Variants in PPM1L observed in about 807,000 individuals in gnomAD.
PPM1L encodes protein phosphatase, Mg2+/Mn2+ dependent 1L.
PPM1L carries 13 observed loss-of-function variants against 31.4 expected under a neutral mutation model. That is an observed-to-expected ratio of 0.41 (90% CI 0.27 to 0.66). The LOEUF is 0.66. Ranked by LOEUF, PPM1L falls within the 30% of genes least tolerant of loss-of-function variation. The pLI is 0.29. For synonymous variants in PPM1L, 184 were observed against 175.4 expected, an observed-to-expected ratio of 1.05 and a Z score of -0.39; for missense variants, 326 against 453.7, an observed-to-expected ratio of 0.72 and a Z score of 2.56.
At chr3:160,892,958 A>G (rs1028419857) in intron 1 of PPM1L, among the ~76,000 whole-genome samples, 8 of 152,206 alleles carry the variant, frequency 5.3e-5, no homozygotes, top group African/African-American at 1.9e-4. Flanking sequence ...ATATTTTAAC[A>G]AAGATCCCTA....
intron 1 of PPM1L, among the ~76,000 whole-genome samples, chr3:160,849,609 A>G (rs528428566): frequency 2.2e-4 from 33 of 147,238 alleles, no homozygotes; most frequent in Non-Finnish European, 3.4e-4. Context: ...TATTTTTAGT[A>G]GAGACGCAGT....
chr3:160,901,986 A>G (rs760795535), intron 1 of PPM1L, among the ~76,000 whole-genome samples: 16 of 152,054 alleles, frequency 1.1e-4, no homozygotes, highest in Non-Finnish European at 1.8e-4. Flanking sequence ...TTTCAATGCT[A>G]TATTTCTTTT....
intron 1 of PPM1L, among the ~76,000 whole-genome samples, chr3:160,900,110 T>G (rs1261327746): frequency 1.3e-5 from 2 of 148,652 alleles, no homozygotes; most frequent in Non-Finnish European, 2.9e-5. Flanking sequence ...CTTTGCTGTA[T>G]TTTTTTTGCT....
chr3:161,015,021 T>C (rs1486899688), intron 2 of PPM1L, among the ~76,000 whole-genome samples: 2 of 151,296 alleles, frequency 1.3e-5, no homozygotes, highest in African/African-American at 2.4e-5. Flanking sequence ...AAGGTCACAG[T>C]TGTAAATCAA....
At chr3:160,833,222 A>G (rs765431590) in intron 1 of PPM1L, among the ~76,000 whole-genome samples, 20 of 152,354 alleles carry the variant, frequency 1.3e-4, no homozygotes, top group East Asian at 3.9e-4. Flanking sequence ...TAGTGCTGCA[A>G]TGAACATAAG....
chr3:160,894,350 T>C (rs2108048643), intron 1 of PPM1L, among the ~76,000 whole-genome samples: 1 of 152,184 alleles, frequency 6.6e-6, no homozygotes, highest in East Asian at 1.9e-4. Context: ...AAACACCATA[T>C]GTAACTGTTG....
chr3:160,889,760 A>G (rs1713068163), intron 1 of PPM1L, among the ~76,000 whole-genome samples: 1 of 152,226 alleles, frequency 6.6e-6, no homozygotes, highest in African/African-American at 2.4e-5. Flanking sequence ...TCAATAAAAT[A>G]CTGGCAAACT....
intron 2 of PPM1L, among the ~76,000 whole-genome samples, chr3:161,042,461 C>G (rs1217627056): frequency 6.6e-6 from 1 of 152,136 alleles, no homozygotes; most frequent in Admixed American, 6.5e-5. Context: ...ACAATGCCAC[C>G]CTGGGGCTTA....
chr3:160,826,725 A>G (rs1041794164), intron 1 of PPM1L, among the ~76,000 whole-genome samples: 17 of 152,182 alleles, frequency 1.1e-4, no homozygotes, highest in African/African-American at 3.4e-4. Context: ...ATGTACATTT[A>G]CAACACTCAT....
chr3:160,828,684 C>T (rs1195904118), intron 1 of PPM1L, among the ~76,000 whole-genome samples: 1 of 152,018 alleles, frequency 6.6e-6, no homozygotes, highest in Non-Finnish European at 1.5e-5. Flanking sequence ...TGGTACCACC[C>T]ATATGTTCTG....
At chr3:160,969,167 T>G (rs539364407) in intron 2 of PPM1L, among the ~76,000 whole-genome samples, 81 of 152,280 alleles carry the variant, frequency 5.3e-4, no homozygotes, top group Non-Finnish European at 1.5e-4. Context: ...TTTCTCAGCT[T>G]TTGCTTTATG....
At chr3:161,047,733 A>G (rs1418659918) in intron 2 of PPM1L, among the ~76,000 whole-genome samples, 1 of 152,230 alleles carries the variant, frequency 6.6e-6, no homozygotes, top group Non-Finnish European at 1.5e-5. Flanking sequence ...TGATACCAAA[A>G]CAGAGATACA....
intron 2 of PPM1L, among the ~76,000 whole-genome samples, chr3:160,980,831 G>A (rs1716773106): frequency 6.6e-6 from 1 of 151,800 alleles, no homozygotes; most frequent in South Asian, 2.1e-4. Context: ...GTAGAAGGAA[G>A]GAAAGATATA....
At chr3:160,806,168 A>G in intron 1 of PPM1L, among the ~76,000 whole-genome samples, 1 of 152,288 alleles carries the variant, frequency 6.6e-6, no homozygotes, top group East Asian at 1.9e-4. Context: ...CTGTAGAACA[A>G]CTTTCAGAGA....
At chr3:160,801,832 A>G (rs1409285729) in intron 1 of PPM1L, among the ~76,000 whole-genome samples, 1 of 152,146 alleles carries the variant, frequency 6.6e-6, no homozygotes, top group Non-Finnish European at 1.5e-5. Context: ...TACAGATTAT[A>G]TATGTTGTAT....
At chr3:160,992,640 C>T (rs1717172633) in intron 2 of PPM1L, among the ~76,000 whole-genome samples, 1 of 152,188 alleles carries the variant, frequency 6.6e-6, no homozygotes, top group Non-Finnish European at 1.5e-5. Flanking sequence ...TAACCATATT[C>T]TTGTCCATTG....
chr3:160,902,407 A>T lies in PPM1L; in HGVS notation c.400-59329A>T, dbSNP rs1326158504. On this transcript the variant is annotated intron_variant, in intron 1 of 3. Transcript: ENST00000498165. ...TCACATTTAGAAATCATCTTATGTC[A>T]TTCCCTGTTACTCTCACAGAAAATT... 5.3e-5 allele frequency among the ~76,000 whole-genome samples: 8 copies of T among 152,150 alleles called. No homozygotes were observed. In the East Asian group the frequency reaches 1.3e-3, roughly 26 times the overall value.
chr3:161,011,257 C>T (rs546231294), intron 2 of PPM1L, among the ~76,000 whole-genome samples: 186 of 152,290 alleles, frequency 1.2e-3, no homozygotes, highest in African/African-American at 4.2e-3. Context: ...TTCCCAGCAC[C>T]GTTTATTAAA....
At chr3:160,902,649 T>A (rs575229371) in intron 1 of PPM1L, among the ~76,000 whole-genome samples, 1 of 152,328 alleles carries the variant, frequency 6.6e-6, no homozygotes, top group South Asian at 2.1e-4. Context: ...GCCAGTGTTT[T>A]TCTACATCGA....
Sources: gnomAD v4.1 joint callset for allele counts (sites outside exome capture counted in the v4.1 genomes callset) on GRCh38, gnomAD v4.1.1 for gene constraint, MANE v1.5 for transcripts, NCBI Gene and HGNC (gene_info 2026-07-23, HGNC 2026-07-21) for gene names.